The following UNC13B variants were observed in gnomAD, a reference collection of about 807,000 sequenced individuals.
UNC13B encodes the protein protein unc-13 homolog B.
A neutral mutation model predicts 211.0 loss-of-function variants in UNC13B; 144 were observed. That is an observed-to-expected ratio of 0.68 (90% CI 0.60 to 0.78). The LOEUF (loss-of-function observed/expected upper bound fraction) is 0.78, where lower values mean the gene tolerates loss of function less well. Ranked by LOEUF, UNC13B falls within the 30% of genes least tolerant of loss-of-function variation. The probability of loss-of-function intolerance (pLI) is 0.00; values close to 1 mark genes in which losing one functional copy is unlikely to be tolerated. For missense variants in UNC13B, 1,777 were observed against 2,002.0 expected, an observed-to-expected ratio of 0.89 and a Z score of 2.14; for synonymous variants, 709 against 725.8, an observed-to-expected ratio of 0.98 and a Z score of 0.37.
At chr9:35,208,350 A>G (rs1474201270) in intron 1 of UNC13B, among the ~76,000 whole-genome samples, 3 of 152,204 alleles carry the variant, frequency 2.0e-5, no homozygotes, top group Admixed American at 6.5e-5. Flanking sequence ...ATAAAATGCA[A>G]TTAGGGAGGG....
At chr9:35,163,661 C>G (rs116905828) in intron 1 of UNC13B, among the ~76,000 whole-genome samples, 2 of 152,318 alleles carry the variant, frequency 1.3e-5, no homozygotes, top group East Asian at 3.9e-4. Context: ...TATTACAGAG[C>G]TGGTCCTTAT....
At chr9:35,220,519 C>T (rs1418330968) in intron 1 of UNC13B, among the ~76,000 whole-genome samples, 4 of 151,998 alleles carry the variant, frequency 2.6e-5, no homozygotes, top group South Asian at 2.1e-4. Flanking sequence ...CACAAATAAG[C>T]GAGAGCATGT....
intron 9 of UNC13B, among the ~76,000 whole-genome samples, chr9:35,309,213 G>C (rs1172423373): frequency 2.3e-5 from 3 of 133,068 alleles, no homozygotes; most frequent in Non-Finnish European, 4.8e-5. Flanking sequence ...AAAGGGGTTG[G>C]TCAGGGTCAG....
intron 11 of UNC13B, among the ~76,000 whole-genome samples, chr9:35,331,083 T>A (rs1469170469): frequency 2.0e-5 from 3 of 152,170 alleles, no homozygotes; most frequent in Non-Finnish European, 2.9e-5. Context: ...CCTTTCTCAC[T>A]CTTTACCACC....
chr9:35,330,162 T>G (rs546853887), intron 11 of UNC13B, among the ~76,000 whole-genome samples: 3 of 152,272 alleles, frequency 2.0e-5, no homozygotes, highest in African/African-American at 7.2e-5. Flanking sequence ...CGACTTGTTC[T>G]CTCTCACAGG....
In UNC13B at chr9:35,401,668, C is replaced by CAG. The variant is rs545627284; in HGVS notation, c.12484+1226_12484+1227dup. Among the ~76,000 whole-genome samples, 97 of 152,338 alleles carry CAG rather than the reference C, an allele frequency of 6.4e-4. 1 individual carries two copies. In the South Asian group the frequency reaches 0.016, roughly 24 times the overall value. ...TAAGGGTCTAGGAAATTAAAGCCTA[C>CAG]AGCCTGTCTCTTGTCCTGCTTGTCT... On this transcript the variant is annotated intron_variant, in intron 37 of 39. Transcript: ENST00000635942.
At chr9:35,250,311 T>TA (rs1826385546) in intron 6 of UNC13B, among the ~76,000 whole-genome samples, 1 of 152,208 alleles carries the variant, frequency 6.6e-6, no homozygotes, top group South Asian at 2.1e-4. Context: ...CCTGTGCCCT[T>TA]AGTCATCAGT....
In UNC13B at chr9:35,308,343, C is replaced by G. The variant is rs1345786626; in HGVS notation, c.8939C>G (p.Thr2980Ser). The change falls in exon 9 of 40, where the codon ACT (threonine) becomes AGT (serine). Residue 2980 changes from threonine to serine, a missense_variant. By Grantham distance (58) the Thr-to-Ser change is moderately conservative. Transcript: ENST00000635942. ...KQEEEAVPAS[T>S]DSDLNVQQPV... ...GAAGAGGAGGCAGTACCTGCCAGTA[C>G]TGACTCTGATTTGAATGTACAGCAG... 2 of 398,966 alleles carry G rather than the reference C, an allele frequency of 5.0e-6. No individual in the cohort carries two copies. Among genetic ancestry groups the G allele is most frequent in the Non-Finnish European group, 8.8e-6 (2 of 226,102 alleles). 24.7% of individuals were successfully genotyped at this position (398,966 alleles called of 1,614,324 possible). A position where few individuals can be genotyped will look rare whatever the true frequency, so the allele number is the denominator to read the frequency against.
chr9:35,325,754 G>T (rs1277444904), intron 11 of UNC13B, among the ~76,000 whole-genome samples: 2 of 152,204 alleles, frequency 1.3e-5, no homozygotes, highest in East Asian at 3.9e-4. Context: ...TTTTCCACCA[G>T]CCTGTAGCAA....
chr9:35,344,601 C>G (rs897679614), intron 11 of UNC13B, among the ~76,000 whole-genome samples: 10 of 152,076 alleles, frequency 6.6e-5, no homozygotes, highest in African/African-American at 1.9e-4. Context: ...ACACCCGCTG[C>G]GGATCTTTGA....
intron 11 of UNC13B, among the ~76,000 whole-genome samples, chr9:35,342,765 G>A (rs771671257): frequency 1.1e-4 from 16 of 152,198 alleles, no homozygotes; most frequent in South Asian, 2.1e-4. Context: ...TGCAAAATTC[G>A]TCTCTCCCTA....
intron 11 of UNC13B, among the ~76,000 whole-genome samples, chr9:35,336,315 G>A (rs949262219): frequency 6.6e-5 from 10 of 151,240 alleles, no homozygotes; most frequent in African/African-American, 1.9e-4. Flanking sequence ...TTACTACCCC[G>A]TCAAACATAA....
intron 1 of UNC13B, among the ~76,000 whole-genome samples, chr9:35,223,300 C>T (rs991967584): frequency 2.0e-5 from 3 of 152,144 alleles, no homozygotes; most frequent in Admixed American, 1.3e-4. Flanking sequence ...TACTAATTCA[C>T]GTTCCTGTCC....
At chr9:35,204,744 T>C (rs1470305393) in intron 1 of UNC13B, among the ~76,000 whole-genome samples, 1 of 152,206 alleles carries the variant, frequency 6.6e-6, no homozygotes, top group Non-Finnish European at 1.5e-5. Flanking sequence ...AAGTAGCTAA[T>C]GTGTTTGATT....
intron 3 of UNC13B, among the ~76,000 whole-genome samples, chr9:35,235,888 C>G (rs1275320028): frequency 6.6e-6 from 1 of 152,158 alleles, no homozygotes; most frequent in African/African-American, 2.4e-5. Context: ...GTCCTTATTA[C>G]TTGGCCTCAT....
At chr9:35,291,183 G>T in intron 7 of UNC13B, 2 of 1,357,396 alleles carry the variant, frequency 1.5e-6, no homozygotes, top group South Asian at 2.6e-5. Flanking sequence ...TGTGAAGCTG[G>T]ATATTCATGC....
At chr9:35,263,150 AT>A (rs1219782374) in intron 7 of UNC13B, among the ~76,000 whole-genome samples, 2 of 152,186 alleles carry the variant, frequency 1.3e-5, no homozygotes, top group South Asian at 2.1e-4. Flanking sequence ...ATTTCTGGAA[AT>A]TTATCCTCAG....
intron 10 of UNC13B, among the ~76,000 whole-genome samples, chr9:35,313,673 T>TAAATAAATAAAA (rs1371480642): frequency 2.8e-5 from 4 of 144,820 alleles, no homozygotes; most frequent in Non-Finnish European, 4.6e-5. Context: ...AATAAATAAA[T>TAAATAAATAAAA]AAAAGAGGGA....
intron 16 of UNC13B, 126 bp from the exon 17 acceptor site, chr9:35,378,169 A>G (rs1245684011): frequency 1.8e-5 from 24 of 1,322,636 alleles, no homozygotes; most frequent in Non-Finnish European, 2.3e-5. Context: ...AAGAATAAAT[A>G]TGGAGGAATG....
Sources: allele counts gnomAD v4.1 joint callset (sites outside exome capture counted in the v4.1 genomes callset), GRCh38; gene constraint gnomAD v4.1.1; transcripts MANE v1.5; gene names NCBI Gene and HGNC (gene_info 2026-07-23, HGNC 2026-07-21).